The following ZNF282 variants were observed in gnomAD, a reference collection of about 807,000 sequenced individuals.
ZNF282 encodes HTLV-I U5 repressive element-binding protein 1.
In ZNF282, 30 loss-of-function variants were observed where a neutral mutation model predicts 61.9. The observed-to-expected ratio is 0.48, with a 90% CI of 0.36 to 0.66. ZNF282 has a LOEUF of 0.66. ZNF282 is among the 30% of genes least tolerant of loss of function. The pLI, the probability that ZNF282 is intolerant of heterozygous loss-of-function variation, is 0.00. For synonymous variants in ZNF282, 396 were observed against 405.0 expected (o/e 0.98, Z 0.27); for missense variants, 788 against 941.4 (o/e 0.84, Z 2.13).
intron 7 of ZNF282, among the ~76,000 whole-genome samples, chr7:149,215,405 G>A (rs556188653): frequency 6.6e-6 from 1 of 152,198 alleles, no homozygotes; most frequent in South Asian, 2.1e-4. Context: ...GTTGCACCAT[G>A]TTGGCCAGGC....
chr7:149,207,565 G>C, intron 4 of ZNF282, 95 bp downstream of exon 4: 1 of 1,502,700 alleles, frequency 6.7e-7, no homozygotes, highest in Non-Finnish European at 8.9e-7. Flanking sequence ...CACTGTGTGT[G>C]CACCATGGGG....
At position 149,206,646 on chromosome 7, in the gene ZNF282, G is replaced by A. The variant is rs201180384; in HGVS notation, c.586-50G>A. ...TGTGGCCCGCAGGAGAAGGGGAGGT[G>A]GTGGGGAGGAACAGGCAGGAGGCGC... On this transcript the variant is annotated intron_variant, in intron 2 of 7. Coordinates refer to ENST00000610704, the MANE Select transcript of ZNF282 (RefSeq NM_003575.4). 5.8e-5 allele frequency: 94 copies of A among 1,610,678 alleles called. 1 individual carries two copies. The East Asian group carries it at 2.0e-3, about 34-fold the overall frequency.
intron 2 of ZNF282, among the ~76,000 whole-genome samples, chr7:149,203,751 AT>A (rs1166099922): frequency 6.6e-6 from 1 of 152,230 alleles, no homozygotes; most frequent in Non-Finnish European, 1.5e-5. Flanking sequence ...AGTATAAACA[AT>A]TCAGTAAATT....
intron 2 of ZNF282, among the ~76,000 whole-genome samples, chr7:149,202,258 C>T (rs943761203): frequency 2.0e-4 from 30 of 151,174 alleles, no homozygotes; most frequent in Non-Finnish European, 1.5e-4. Context: ...GATTCTCCTG[C>T]CTCAGCCTCC....
In ZNF282 at chr7:149,224,536, C is replaced by T; in HGVS notation, c.1905C>T (p.Cys635=). 1.2e-6 allele frequency: 2 copies of T among 1,611,026 alleles called. No homozygotes were observed. Among genetic ancestry groups the T allele is most frequent in the East Asian group, 2.2e-5 (1 of 44,854 alleles). Residue 635 remains cysteine (C), a synonymous_variant, in exon 8 of 8, where the codon TGC becomes TGT. Coordinates refer to ENST00000610704, the MANE Select transcript of ZNF282 (RefSeq NM_003575.4). ...AGCGCCCCTACACGTGCGGCGAGTG[C>T]GGCAAGAGCTTCCGCTACAAGGAGT... ...TGERPYTCGE[C]GKSFRYKESL...
At chr7:149,204,021 G>C (rs1355576141) in intron 2 of ZNF282, among the ~76,000 whole-genome samples, 1 of 152,168 alleles carries the variant, frequency 6.6e-6, no homozygotes, top group Admixed American at 6.5e-5. Flanking sequence ...CTGGCTCAGA[G>C]TCCCATGAGG....
Position 149,224,121 on chromosome 7 carries a change from G to A in ZNF282, c.1490G>A (p.Gly497Asp). 6.2e-6 allele frequency: 9 copies of A among 1,447,864 alleles called. No individual in the cohort carries two copies. The highest frequency in any genetic ancestry group is 6.3e-6 in the Non-Finnish European group (7 of 1,105,900). 89.7% of individuals were successfully genotyped at this position (1,447,864 alleles called of 1,614,324 possible). A position where few individuals can be genotyped will look rare whatever the true frequency, so the allele number is the denominator to read the frequency against. ...EAGTGAGGGC[G>D]SCCPGGLRRS... ...GGGACGGGGGCAGGCGGCGGCTGTG[G>A]CAGCTGCTGCCCTGGCGGGCTGCGG... The change falls in exon 8 of 8, where the codon GGC becomes GAC. Residue 497 changes from glycine (G) to aspartate (D), a missense_variant. Gly to Asp is a moderately conservative substitution (Grantham distance 94). Around this residue, in one of 3 missense-constraint regions of ZNF282, gnomAD observed 559 missense variants for 642.0 expected, o/e 0.87. Coordinates refer to ENST00000610704, the MANE Select transcript of ZNF282 (RefSeq NM_003575.4).
chr7:149,217,717 C>G (rs2129523609), intron 7 of ZNF282, among the ~76,000 whole-genome samples: 1 of 152,174 alleles, frequency 6.6e-6, no homozygotes, highest in East Asian at 1.9e-4. Context: ...TGAGGCAGAG[C>G]AAAGACAGAG....
At chr7:149,203,336 G>C (rs1330250705) in intron 2 of ZNF282, among the ~76,000 whole-genome samples, 1 of 152,126 alleles carries the variant, frequency 6.6e-6, no homozygotes, top group Non-Finnish European at 1.5e-5. Flanking sequence ...TTTAAATCCT[G>C]ACTTTGCCAC....
chr7:149,196,011 C>T (rs1163839089), intron 1 of ZNF282, among the ~76,000 whole-genome samples: 4 of 151,318 alleles, frequency 2.6e-5, no homozygotes, highest in Admixed American at 2.6e-4. Context: ...GTGCGGAGGC[C>T]CCGCGGGGCG....
At chr7:149,202,999 A>G (rs1198466935) in intron 2 of ZNF282, among the ~76,000 whole-genome samples, 2 of 152,188 alleles carry the variant, frequency 1.3e-5, no homozygotes, top group South Asian at 2.1e-4. Flanking sequence ...TGACTTTGCC[A>G]GAGGAGTTGT....
intron 2 of ZNF282, among the ~76,000 whole-genome samples, chr7:149,203,060 G>A (rs1795938610): frequency 6.6e-6 from 1 of 152,162 alleles, no homozygotes; most frequent in African/African-American, 2.4e-5. Context: ...TCGTGGCTCT[G>A]GTTCCTCAGC....
In ZNF282 at chr7:149,198,584, G is replaced by A. The variant is rs149374266; in HGVS notation, c.417G>A (p.Thr139=). ...AGAAGCTGGCCGACTGTGAAAAGAC[G>A]GCCGTGGAATTTGGGAACCACATGG... ...AEKKLADCEK[T]AVEFGNHMES... The change falls in exon 2 of 8, where the codon ACG becomes ACA. Residue 139 remains threonine (T), a synonymous_variant. Coordinates refer to ENST00000610704, the MANE Select transcript of ZNF282 (RefSeq NM_003575.4). The surrounding 1 kb of genome is among the most constrained non-coding windows in gnomAD (Gnocchi z 4.3). 6.2e-6 allele frequency: 10 copies of A among 1,614,186 alleles called. No individual in the cohort carries two copies. The highest frequency in any genetic ancestry group is 5.0e-5 in the Admixed American group (3 of 60,018).
rs1225024441 is a variant in ZNF282 at position 149,198,839 on chromosome 7, A to G, written c.585+87A>G. 8 of 1,493,106 alleles carry G rather than the reference A, an allele frequency of 5.4e-6. No individual in the cohort carries two copies. In the East Asian group the frequency reaches 1.8e-4, roughly 34 times the overall value. The allele number at this position is 1,493,106 out of a possible 1,614,324, so 92.5% of individuals were successfully genotyped here. ...TGATTTCATTTTGTCAGCCCTTCTC[A>G]TAAACTTCTCTGGCTCCCCGTTATC... On this transcript the variant is annotated intron_variant, in intron 2 of 7. Transcript: ENST00000610704. This position sits in a 1 kb window ranked among gnomAD's most constrained non-coding sequence, Gnocchi z 4.3.
chr7:149,216,282 G>C (rs1796160097), intron 7 of ZNF282, among the ~76,000 whole-genome samples: 1 of 152,140 alleles, frequency 6.6e-6, no homozygotes, highest in Non-Finnish European at 1.5e-5. Context: ...AAAATGTTTT[G>C]TAGAGATAGG....
At chr7:149,204,066 C>T (rs1157176801) in intron 2 of ZNF282, among the ~76,000 whole-genome samples, 1 of 152,094 alleles carries the variant, frequency 6.6e-6, no homozygotes, top group Non-Finnish European at 1.5e-5. Context: ...CAGCAGTTAT[C>T]TGAAGGTTTG....
chr7:149,219,718 G>C (rs1441547342), intron 7 of ZNF282, among the ~76,000 whole-genome samples: 1 of 152,068 alleles, frequency 6.6e-6, no homozygotes, highest in Non-Finnish European at 1.5e-5. Context: ...ATGGTGGCAG[G>C]CATCTGTAAT....
intron 2 of ZNF282, among the ~76,000 whole-genome samples, chr7:149,202,348 A>G (rs542138655): frequency 1.1e-4 from 14 of 131,962 alleles, no homozygotes; most frequent in East Asian, 4.5e-4. Context: ...GTCTTGCTCT[A>G]TTGCCCAAGC....
At position 149,224,778 on chromosome 7, in the gene ZNF282, C is replaced by T. The variant is rs1255436244; in HGVS notation, c.*131C>T. ...GCATTGCACTCCGGTTGGGGGTCCC[C>T]CAGGGTGGGGCAGGGATCCCCCAGA... On this transcript the variant is annotated 3_prime_UTR_variant, in exon 8 of 8. Transcript: ENST00000610704. The T allele has an allele frequency of 1.4e-6, 2 of 1,396,702 alleles. No homozygotes were observed. Among genetic ancestry groups the T allele is most frequent in the East Asian group, 2.5e-5 (1 of 39,624 alleles). 86.5% of individuals were successfully genotyped at this position (1,396,702 alleles called of 1,614,324 possible).
Sources: allele counts gnomAD v4.1 joint callset (sites outside exome capture counted in the v4.1 genomes callset), GRCh38; gene constraint gnomAD v4.1.1; regional missense constraint gnomAD v4.1.1; non-coding constraint Gnocchi (gnomAD v3.1); transcripts MANE v1.5; gene names NCBI Gene and HGNC (gene_info 2026-07-23, HGNC 2026-07-21).